Variants in IFT74 observed in about 807,000 individuals in gnomAD.
The protein encoded by IFT74 is intraflagellar transport 74.
A neutral mutation model predicts 96.7 loss-of-function variants in IFT74; 92 were observed. The observed-to-expected ratio is 0.95, with a 90% CI of 0.80 to 1.13. The LOEUF (loss-of-function observed/expected upper bound fraction) is 1.13, where lower values mean the gene tolerates loss of function less well. Ranked by LOEUF, IFT74 falls within the 50% of genes most tolerant of loss-of-function variation. The pLI, the probability that IFT74 is intolerant of heterozygous loss-of-function variation, is 0.00. For missense variants in IFT74, 811 were observed against 698.2 expected, an observed-to-expected ratio of 1.16 and a Z score of -1.82; for synonymous variants, 223 against 213.2, an observed-to-expected ratio of 1.05 and a Z score of -0.40.
At chr9:27,048,080 C>T (rs1819770691) in intron 15 of IFT74, 68 bp from the exon 16 acceptor site, 5 of 1,125,870 alleles carry the variant, frequency 4.4e-6, no homozygotes, top group East Asian at 2.6e-5. Flanking sequence ...CAGTGTTTTC[C>T]AAGAGTTTTA....
intron 10 of IFT74, 119 bp from the exon 11 acceptor site, chr9:27,016,788 G>C (rs921987164): frequency 1.6e-6 from 1 of 635,316 alleles, no homozygotes; most frequent in Non-Finnish European, 2.6e-6. Flanking sequence ...GATATTTGCT[G>C]TCTGTATTTA....
intron 13 of IFT74, among the ~76,000 whole-genome samples, chr9:27,037,207 T>C (rs1314706895): frequency 9.5e-6 from 1 of 104,812 alleles, no homozygotes; most frequent in Non-Finnish European, 1.8e-5. Context: ...GCAGCAAGAG[T>C]GAAATCCCAT....
intron 8 of IFT74, chr9:26,995,665 AT>A (rs1828111438): frequency 6.2e-6 from 10 of 1,613,892 alleles, no homozygotes; most frequent in Non-Finnish European, 8.5e-6. Flanking sequence ...GAGAGCTTGG[AT>A]TTCCAGTAAA....
At position 27,029,122 on chromosome 9, in the gene IFT74, T is replaced by C; in HGVS notation, c.1054+18T>C. 1 of 1,570,890 alleles carries C rather than the reference T, an allele frequency of 6.4e-7. No homozygotes were observed. The highest frequency in any genetic ancestry group is 8.7e-7 in the Non-Finnish European group (1 of 1,150,834). On this transcript the variant is annotated intron_variant, in intron 13 of 19. Transcript: ENST00000380062. ...ACACCAAGGTATGCTTCTGGTATTTTTATAATGTAGATTAACAGATGTTTA... is the reference window on the plus strand; with the variant it reads ...ACACCAAGGTATGCTTCTGGTATTTCTATAATGTAGATTAACAGATGTTTA...
Position 26,961,946 on chromosome 9 carries a change from C to T in IFT74, c.-19-3C>T, listed in dbSNP as rs1340115515. The T allele has an allele frequency of 6.2e-7, 1 of 1,613,660 alleles. No individual in the cohort carries two copies. Among genetic ancestry groups the T allele is most frequent in the African/African-American group, 1.3e-5 (1 of 74,896 alleles). On this transcript the variant is annotated splice_polypyrimidine_tract_variant and splice_region_variant and intron_variant, in intron 1 of 19. Transcript: ENST00000380062. ...GATTGAACTATTTATTGTTTCCAAA[C>T]AGCGATTAAAGTGAAGAAACAATGG...
At chr9:27,050,777 C>T (rs1262295620) in intron 16 of IFT74, among the ~76,000 whole-genome samples, 1 of 151,274 alleles carries the variant, frequency 6.6e-6, no homozygotes, top group African/African-American at 2.4e-5. Context: ...GGAGGTATAC[C>T]TAATGTAAAT....
upstream of IFT74, among the ~76,000 whole-genome samples, chr9:26,952,941 A>G (rs1792879084): frequency 6.6e-6 from 1 of 152,224 alleles, no homozygotes; most frequent in South Asian, 2.1e-4. Flanking sequence ...GCAGCTGACT[A>G]GTCAAATGAT....
chr9:26,984,019 C>T (rs978301915), intron 4 of IFT74: 5 of 284,492 alleles, frequency 1.8e-5, no homozygotes, highest in Non-Finnish European at 2.6e-5. Flanking sequence ...CCTGACCTCA[C>T]GTGATGCGCC....
At chr9:27,010,631 A>G (rs2131604394) in intron 9 of IFT74, among the ~76,000 whole-genome samples, 1 of 151,868 alleles carries the variant, frequency 6.6e-6, no homozygotes, top group African/African-American at 2.4e-5. Flanking sequence ...CTGGGACCAC[A>G]GGTGCCCGCC....
Position 27,034,845 on chromosome 9 carries a change from TA to T in IFT74, c.1054+5743del, listed in dbSNP as rs1345784413. Among the ~76,000 whole-genome samples the T allele has an allele frequency of 5.9e-5, 9 of 152,352 alleles. No individual in the cohort carries two copies. The East Asian group carries it at 1.7e-3, about 29-fold the overall frequency. On this transcript the variant is annotated intron_variant, in intron 13 of 19. Transcript: ENST00000380062. ...ACGCCTGGCCAGAATCATTTTATTT[TA>T]AGCACATGTCCTGTTACTAGAATGC...
intron 8 of IFT74, among the ~76,000 whole-genome samples, chr9:27,004,536 C>T (rs1239025045): frequency 6.6e-6 from 1 of 152,094 alleles, no homozygotes; most frequent in Admixed American, 6.6e-5. Context: ...CATTTGCTAG[C>T]ATTATTGGGT....
At chr9:26,973,523 T>C (rs1260245080) in intron 2 of IFT74, among the ~76,000 whole-genome samples, 3 of 152,176 alleles carry the variant, frequency 2.0e-5, no homozygotes, top group African/African-American at 7.2e-5. Flanking sequence ...TGAATGTATT[T>C]TTCGTCCACA....
intron 1 of IFT74, among the ~76,000 whole-genome samples, chr9:26,948,087 C>G (rs953794760): frequency 4.6e-5 from 7 of 152,228 alleles, no homozygotes; most frequent in Non-Finnish European, 1.0e-4. Flanking sequence ...CTGACTTCTC[C>G]CTTCCTAAAA....
rs995825642 is a variant in IFT74, at chr9:27,044,811, G to A, written c.1108+16G>A. On this transcript the variant is annotated intron_variant, in intron 14 of 19. Coordinates refer to ENST00000380062, the MANE Select transcript of IFT74 (RefSeq NM_025103.4). ...CATATGGACAGTAAGTGATATTCTT[G>A]TAGATATAAAAATATAATATTTTCA... 5.7e-6 allele frequency: 8 copies of A among 1,391,924 alleles called. No homozygotes were observed. The African/African-American group carries it at 1.2e-4, about 20-fold the overall frequency. 86.2% of individuals were successfully genotyped at this position (1,391,924 alleles called of 1,614,324 possible).
chr9:27,019,178 A>G (rs1171212973), intron 12 of IFT74, among the ~76,000 whole-genome samples: 2 of 152,030 alleles, frequency 1.3e-5, no homozygotes, highest in Non-Finnish European at 2.9e-5. Flanking sequence ...GCTAGTCTCC[A>G]GCTCCTAGCC....
intron 18 of IFT74, among the ~76,000 whole-genome samples, chr9:27,059,143 G>C (rs1820300103): frequency 6.6e-6 from 1 of 151,938 alleles, no homozygotes; most frequent in Non-Finnish European, 1.5e-5. Flanking sequence ...TTAACTCCAT[G>C]TATTGATAAC....
At chr9:27,026,884 A>G (rs1829886359) in intron 12 of IFT74, among the ~76,000 whole-genome samples, 2 of 152,310 alleles carry the variant, frequency 1.3e-5, no homozygotes, top group South Asian at 4.1e-4. Context: ...AAAGAACACA[A>G]ATAGACAATC....
rs889426574 is a variant in IFT74 at position 26,948,458 on chromosome 9, T to A, written c.-20+1312T>A. 4.3e-3 allele frequency among the ~76,000 whole-genome samples: 189 copies of A among 43,738 alleles called. 3 individuals carry two copies. Among genetic ancestry groups the A allele is most frequent in the South Asian group, 0.021 (14 of 656 alleles). The allele number at this position is 43,738 out of a possible 152,430, so 28.7% of individuals were successfully genotyped here. On this transcript the variant is annotated intron_variant, in intron 1 of 19. Transcript: ENST00000433700. ...TGATGGCTTTCCATTATTTTTTTTT[T>A]TTTTTTTTTTTTTTTTTTTTTTTTT...
intron 6 of IFT74, among the ~76,000 whole-genome samples, chr9:26,987,901 AAAGAATATCTTTTTATG>A (rs1370724456): frequency 6.6e-6 from 1 of 152,094 alleles, no homozygotes; most frequent in African/African-American, 2.4e-5. Context: ...ATTAGAAGAT[AAAGAATATCTTTTTATG>A]TTTTTACTAG....
Sources: allele counts gnomAD v4.1 joint callset (sites outside exome capture counted in the v4.1 genomes callset), GRCh38; gene constraint gnomAD v4.1.1; transcripts MANE v1.5; gene names NCBI Gene and HGNC (gene_info 2026-07-23, HGNC 2026-07-21).